Variants in COL6A5 observed in about 807,000 individuals in gnomAD.
COL6A5 encodes collagen alpha-5(VI) chain.
In COL6A5, 48 loss-of-function variants were observed where a neutral mutation model predicts 65.6. That is an observed-to-expected ratio of 0.73 (90% confidence interval 0.58 to 0.93). The LOEUF (loss-of-function observed/expected upper bound fraction) is 0.93. COL6A5 is among the 40% of genes least tolerant of loss of function. The probability of loss-of-function intolerance (pLI) is 0.00; values close to 1 mark genes in which losing one functional copy is unlikely to be tolerated. For synonymous variants in COL6A5, 291 were observed against 322.8 expected (o/e 0.90, Z 1.05); for missense variants, 914 against 928.3 (o/e 0.98, Z 0.20).
chr3:130,481,890 G>A (rs906398427), intron 7 of COL6A5, among the ~76,000 whole-genome samples: 3 of 151,866 alleles, frequency 2.0e-5, no homozygotes, highest in Non-Finnish European at 4.4e-5. Flanking sequence ...TTTTTAATGG[G>A]GTTGTTTTTT....
At chr3:130,451,692 G>A (rs1353636914) in intron 4 of COL6A5, among the ~76,000 whole-genome samples, 3 of 152,038 alleles carry the variant, frequency 2.0e-5, no homozygotes, top group African/African-American at 7.2e-5. Flanking sequence ...GATCATCGGG[G>A]GTGACCGTAA....
At chr3:130,450,981 G>A (rs531431235) in intron 4 of COL6A5, among the ~76,000 whole-genome samples, 4 of 152,198 alleles carry the variant, frequency 2.6e-5, no homozygotes, top group East Asian at 1.9e-4. Context: ...AATTGTAAAC[G>A]CTGAGATGGG....
At chr3:130,384,681 G>A in intron 4 of COL6A5, 123 bp from the exon 5 acceptor site, 2 of 726,668 alleles carry the variant, frequency 2.8e-6, no homozygotes, top group Non-Finnish European at 2.2e-6. Flanking sequence ...GAAGTGTGCA[G>A]GCTCTACGCA....
chr3:130,393,935 A>G (rs1287348106), intron 7 of COL6A5, among the ~76,000 whole-genome samples: 1 of 152,166 alleles, frequency 6.6e-6, no homozygotes, highest in African/African-American at 2.4e-5. Context: ...CCATACTCCC[A>G]TAGCTGGGGA....
chr3:130,400,024 A>G (rs1382368350), intron 10 of COL6A5, among the ~76,000 whole-genome samples: 1 of 152,020 alleles, frequency 6.6e-6, no homozygotes, highest in Non-Finnish European at 1.5e-5. Flanking sequence ...CGGCCTCCCA[A>G]AGTGCTGGGA....
chr3:130,387,218 C>T (rs998808583), intron 5 of COL6A5, among the ~76,000 whole-genome samples: 2 of 151,968 alleles, frequency 1.3e-5, no homozygotes. Flanking sequence ...TTTCTCATAC[C>T]TTTTGGTTAA....
At chr3:130,365,755 C>G (rs1001163867) in intron 1 of COL6A5, among the ~76,000 whole-genome samples, 5 of 152,194 alleles carry the variant, frequency 3.3e-5, no homozygotes, top group South Asian at 2.1e-4. Flanking sequence ...ACTTAGTGGT[C>G]GTCAACCTTG....
chr3:130,434,290 G>C (rs1435966435), intron 1 of COL6A5, among the ~76,000 whole-genome samples: 1 of 151,116 alleles, frequency 6.6e-6, no homozygotes. Flanking sequence ...TGGCTGCATA[G>C]TATTCCATGT....
intron 4 of COL6A5, among the ~76,000 whole-genome samples, chr3:130,446,896 T>C (rs970357928): frequency 6.6e-5 from 10 of 152,138 alleles, no homozygotes; most frequent in African/African-American, 1.9e-4. Context: ...TAGAGTATTA[T>C]CTTTAGGAAC....
exon 10 of COL6A5, chr3:130,398,031 T>A: frequency 6.4e-7 from 1 of 1,550,738 alleles, no homozygotes; most frequent in East Asian, 2.4e-5. Context: ...TTTCTCCAGG[T>A]GCTGCTTATT....
At chr3:130,352,464 G>C (rs1346121312) in intron 1 of COL6A5, among the ~76,000 whole-genome samples, 1 of 152,064 alleles carries the variant, frequency 6.6e-6, no homozygotes, top group Non-Finnish European at 1.5e-5. Flanking sequence ...TGTGAAATTA[G>C]AGTAATAATG....
chr3:130,401,917 G>T, intron 12 of COL6A5, 63 bp downstream of exon 12: 1 of 1,197,410 alleles, frequency 8.4e-7, no homozygotes, highest in South Asian at 1.3e-5. Flanking sequence ...GTGGGACTGA[G>T]ACTGAGTGGT....
intron 4 of COL6A5, among the ~76,000 whole-genome samples, chr3:130,381,818 A>G (rs564752929): frequency 6.6e-6 from 1 of 152,240 alleles, no homozygotes; most frequent in South Asian, 2.1e-4. Flanking sequence ...ACTACACCAT[A>G]GGAGGGATAT....
At chr3:130,438,392 AAT>A (rs1709089355) in intron 1 of COL6A5, among the ~76,000 whole-genome samples, 2 of 141,284 alleles carry the variant, frequency 1.4e-5, no homozygotes, top group Non-Finnish European at 3.2e-5. Context: ...TTGTTGAATG[AAT>A]GAGTGAATGA....
intron 7 of COL6A5, 65 bp from the exon 41 acceptor site, chr3:130,483,970 C>A: frequency 6.9e-7 from 1 of 1,450,680 alleles, no homozygotes; most frequent in South Asian, 1.2e-5. Flanking sequence ...AGGAGTAGGC[C>A]CTGGAGGAAC....
At chr3:130,426,473 G>C, upstream of COL6A5, 5 of 1,442,258 alleles carry the variant, frequency 3.5e-6, no homozygotes, top group Non-Finnish European at 4.8e-6. Context: ...TATGCAGTGT[G>C]GGTATGTGAG....
intron 12 of COL6A5, among the ~76,000 whole-genome samples, chr3:130,403,377 G>C (rs898216241): frequency 6.6e-5 from 10 of 152,158 alleles, no homozygotes; most frequent in African/African-American, 2.2e-4. Flanking sequence ...CCAAAGGTCA[G>C]CCTCCCGCAA....
intron 1 of COL6A5, among the ~76,000 whole-genome samples, chr3:130,366,046 A>G (rs896327227): frequency 1.3e-5 from 2 of 152,208 alleles, no homozygotes; most frequent in Middle Eastern, 3.2e-3. Flanking sequence ...GCAGGAAAGC[A>G]GGCTACTGAA....
At chr3:130,437,588 G>T (rs1468501098) in intron 1 of COL6A5, among the ~76,000 whole-genome samples, 2 of 152,074 alleles carry the variant, frequency 1.3e-5, no homozygotes, top group Admixed American at 6.6e-5. Context: ...ACAATGGCTT[G>T]CAAGTCTCTA....
Sources: allele counts gnomAD v4.1 joint callset (sites outside exome capture counted in the v4.1 genomes callset), GRCh38; gene constraint gnomAD v4.1.1; transcripts MANE v1.5; gene names NCBI Gene and HGNC (gene_info 2026-07-23, HGNC 2026-07-21).